GRIK2: variants seen among roughly 807,000 people sequenced by gnomAD.
GRIK2 encodes glutamate ionotropic receptor kainate type subunit 2, also known as glutamate receptor ionotropic, kainate 2.
Under a neutral mutation model 100.3 loss-of-function variants are expected in GRIK2, and 32 were observed. The ratio of observed to expected loss-of-function variants is 0.32; its 90% CI spans 0.24 to 0.43. The LOEUF is 0.43. Ranked by LOEUF, GRIK2 falls within the 20% of genes least tolerant of loss-of-function variation. The pLI, the probability that GRIK2 is intolerant of heterozygous loss-of-function variation, is 1.00. For missense variants in GRIK2, 843 were observed against 1,114.9 expected (o/e 0.76, Z 3.47); for synonymous variants, 417 against 389.4 (o/e 1.07, Z -0.83).
intron 7 of GRIK2, among the ~76,000 whole-genome samples, chr6:101,788,869 C>A (rs1355264052): frequency 1.3e-5 from 2 of 152,040 alleles, no homozygotes; most frequent in Admixed American, 1.3e-4. Context: ...CTCTCCAGCA[C>A]CTGTTGTTTC....
intron 7 of GRIK2, among the ~76,000 whole-genome samples, chr6:101,696,272 A>G (rs1287886975): frequency 6.6e-6 from 1 of 151,720 alleles, no homozygotes; most frequent in Admixed American, 6.6e-5. Flanking sequence ...ACTATCATAA[A>G]TATAGAACTT....
chr6:101,790,269 A>G (rs1331849312), intron 7 of GRIK2, among the ~76,000 whole-genome samples: 2 of 151,888 alleles, frequency 1.3e-5, no homozygotes, highest in Non-Finnish European at 2.9e-5. Context: ...GAGAGAGGGC[A>G]TCCCTGTCTT....
intron 2 of GRIK2, among the ~76,000 whole-genome samples, chr6:101,483,631 G>C (rs569010613): frequency 6.6e-6 from 1 of 152,260 alleles, no homozygotes; most frequent in Non-Finnish European, 1.5e-5. Flanking sequence ...CTGGAGTGCA[G>C]TGGCACGATC....
At chr6:101,577,179 C>A in intron 2 of GRIK2, among the ~76,000 whole-genome samples, 1 of 150,186 alleles carries the variant, frequency 6.7e-6, no homozygotes, top group Non-Finnish European at 1.5e-5. Flanking sequence ...AAAACAACAA[C>A]ATCAGGCTAA....
At chr6:101,871,591 C>G (rs1197163938) in intron 11 of GRIK2, among the ~76,000 whole-genome samples, 1 of 151,736 alleles carries the variant, frequency 6.6e-6, no homozygotes, top group East Asian at 1.9e-4. Flanking sequence ...CATGTGTACC[C>G]AATGTTTAGC....
intron 9 of GRIK2, among the ~76,000 whole-genome samples, chr6:101,807,848 G>A (rs1781102589): frequency 6.6e-6 from 1 of 151,944 alleles, no homozygotes; most frequent in Non-Finnish European, 1.5e-5. Context: ...CATCACACAT[G>A]GTTTGGTCAT....
intron 2 of GRIK2, among the ~76,000 whole-genome samples, chr6:101,613,610 T>C (rs143798457): frequency 6.6e-6 from 1 of 151,692 alleles, no homozygotes; most frequent in Non-Finnish European, 1.5e-5. Flanking sequence ...AAGCTTAAGA[T>C]GAATGAGCAG....
intron 14 of GRIK2, among the ~76,000 whole-genome samples, chr6:102,001,185 A>ATT (rs66913053): frequency 7.0e-6 from 1 of 142,650 alleles, no homozygotes; most frequent in East Asian, 2.1e-4. Context: ...CTTCTTCTTT[A>ATT]TTTTTTTTTT....
At chr6:101,903,999 T>A (rs924252888) in intron 12 of GRIK2, among the ~76,000 whole-genome samples, 1 of 151,506 alleles carries the variant, frequency 6.6e-6, no homozygotes. Flanking sequence ...CTCTGAAAAT[T>A]CTTGCAATAA....
At chr6:101,417,146 G>C (rs1471273099) in intron 2 of GRIK2, among the ~76,000 whole-genome samples, 1 of 152,136 alleles carries the variant, frequency 6.6e-6, no homozygotes, top group East Asian at 1.9e-4. Context: ...ATGTGTGCAG[G>C]GGAACTGCCC....
intron 4 of GRIK2, among the ~76,000 whole-genome samples, chr6:101,666,238 C>T (rs1401420190): frequency 6.6e-6 from 1 of 152,114 alleles, no homozygotes; most frequent in East Asian, 1.9e-4. Context: ...GGGAAGAGTC[C>T]AGGAGAGGTC....
chr6:101,936,171 T>G (rs1790603951), intron 14 of GRIK2, among the ~76,000 whole-genome samples: 1 of 152,074 alleles, frequency 6.6e-6, no homozygotes, highest in African/African-American at 2.4e-5. Context: ...GTTAATATTG[T>G]TAATGAAATT....
intron 14 of GRIK2, among the ~76,000 whole-genome samples, chr6:101,985,650 A>G (rs1381764670): frequency 6.6e-6 from 1 of 151,814 alleles, no homozygotes; most frequent in Non-Finnish European, 1.5e-5. Context: ...GCCCTTAGTA[A>G]TAGAGGTCAA....
chr6:101,740,397 A>G (rs894439133), intron 7 of GRIK2, among the ~76,000 whole-genome samples: 1 of 151,988 alleles, frequency 6.6e-6, no homozygotes, highest in Non-Finnish European at 1.5e-5. Context: ...GTTCATTATT[A>G]TTTATACCCA....
intron 12 of GRIK2, among the ~76,000 whole-genome samples, chr6:101,895,812 A>G (rs917780448): frequency 6.6e-6 from 1 of 151,692 alleles, no homozygotes; most frequent in Non-Finnish European, 1.5e-5. Flanking sequence ...AGAAAAGCCT[A>G]TTTATTATTA....
intron 14 of GRIK2, among the ~76,000 whole-genome samples, chr6:101,942,441 C>T (rs1791013073): frequency 6.6e-6 from 1 of 152,122 alleles, no homozygotes; most frequent in Non-Finnish European, 1.5e-5. Flanking sequence ...CAGAAGAAGA[C>T]AGGAATATGT....
intron 14 of GRIK2, chr6:101,993,266 A>G (rs975139098): frequency 6.6e-6 from 1 of 151,512 alleles, no homozygotes; most frequent in African/African-American, 2.4e-5. Context: ...GTGTCATTAC[A>G]TGACCTATGA....
chr6:101,664,342 A>G (rs1053860801), intron 4 of GRIK2, among the ~76,000 whole-genome samples: 5 of 152,216 alleles, frequency 3.3e-5, no homozygotes, highest in African/African-American at 1.2e-4. Context: ...GCCACTGTCC[A>G]TGACTGGTGC....
At chr6:102,068,246 A>T in intron 16 of GRIK2, 101 bp from the exon 17 acceptor site, 3 of 803,566 alleles carry the variant, frequency 3.7e-6, no homozygotes, top group East Asian at 2.7e-5. Context: ...ACCTTCAAGG[A>T]TGTTATGTGA....
Sources: gnomAD v4.1 joint callset for allele counts (sites outside exome capture counted in the v4.1 genomes callset) on GRCh38, gnomAD v4.1.1 for gene constraint, MANE v1.5 for transcripts, NCBI Gene and HGNC (gene_info 2026-07-23, HGNC 2026-07-21) for gene names.